Variants in EXTL3 observed in about 807,000 individuals in gnomAD.
EXTL3 encodes the protein exostosin-like 3.
In EXTL3, 27 loss-of-function variants were observed where a neutral mutation model predicts 69.3. The observed-to-expected ratio is 0.39, with a 90% confidence interval of 0.29 to 0.54. The LOEUF (loss-of-function observed/expected upper bound fraction) is 0.54. EXTL3 is among the 20% of genes least tolerant of loss of function. EXTL3 has a pLI of 0.69. For synonymous variants in EXTL3, 511 were observed against 499.4 expected, an observed-to-expected ratio of 1.02 and a Z score of -0.31; for missense variants, 1,003 against 1,231.8, an observed-to-expected ratio of 0.81 and a Z score of 2.78.
At position 28,656,268 on chromosome 8, in the gene EXTL3, G is replaced by T. The variant is rs991724691; in HGVS notation, c.-53+33458G>T. On this transcript the variant is annotated intron_variant, in intron 1 of 6. Coordinates refer to the EXTL3 transcript ENST00000523149. ...CGCTGCAGCCTCTGCCTCCTGGGAG[G>T]TTCAAGTGATTCTCCTGCCTCAGCC... 2.0e-5 allele frequency among the ~76,000 whole-genome samples: 3 copies of T among 151,994 alleles called. No individual in the cohort carries two copies. In the South Asian group the frequency reaches 6.2e-4, roughly 32 times the overall value.
chr8:28,744,431 GC>G (rs1367096311), intron 6 of EXTL3, among the ~76,000 whole-genome samples: 1 of 152,216 alleles, frequency 6.6e-6, no homozygotes, highest in African/African-American at 2.4e-5. Flanking sequence ...GCTGAGGCAG[GC>G]GGATCACTTG....
intron 1 of EXTL3, among the ~76,000 whole-genome samples, chr8:28,687,891 G>C (rs145501904): frequency 6.6e-6 from 1 of 152,274 alleles, no homozygotes; most frequent in East Asian, 1.9e-4. Flanking sequence ...GTGGGATAAC[G>C]AATTTAGGAA....
intron 1 of EXTL3, among the ~76,000 whole-genome samples, chr8:28,660,913 CT>C (rs35991958): frequency 0.66 from 64,190 of 97,316 alleles, 18,530 homozygotes; most frequent in Middle Eastern, 0.71. Flanking sequence ...TTGTTCGTTT[CT>C]TTTTTTTTTT....
upstream of EXTL3, among the ~76,000 whole-genome samples, chr8:28,621,280 G>GACTGGT (rs2130542261): frequency 6.6e-6 from 1 of 152,244 alleles, no homozygotes; most frequent in African/African-American, 2.4e-5. Flanking sequence ...AATCTAATAT[G>GACTGGT]ACTGGTGTTC....
intron 3 of EXTL3, 48 bp from the exon 4 acceptor site, chr8:28,731,175 T>A (rs1030385540): frequency 6.2e-7 from 1 of 1,613,698 alleles, no homozygotes; most frequent in Non-Finnish European, 8.5e-7. Context: ...TTGTTTGGCC[T>A]TTCATAACAC....
chr8:28,698,314 G>C (rs575790626), upstream of EXTL3: 219 of 152,332 alleles, frequency 1.4e-3, no homozygotes, highest in African/African-American at 4.8e-3. Flanking sequence ...GATGAGTTCA[G>C]TTTGGGATAT....
upstream of EXTL3, among the ~76,000 whole-genome samples, chr8:28,621,858 G>A (rs1806413042): frequency 6.6e-6 from 1 of 152,168 alleles, no homozygotes; most frequent in Non-Finnish European, 1.5e-5. Flanking sequence ...TCTTGTGTGT[G>A]TTTGTCACTT....
At chr8:28,645,756 T>C (rs1348508601) in intron 1 of EXTL3, among the ~76,000 whole-genome samples, 3 of 152,060 alleles carry the variant, frequency 2.0e-5, no homozygotes, top group Non-Finnish European at 4.4e-5. Flanking sequence ...CTCAAACTCC[T>C]GGGCTCAAGC....
chr8:28,633,271 G>A (rs1047523025), intron 1 of EXTL3, among the ~76,000 whole-genome samples: 4 of 152,116 alleles, frequency 2.6e-5, no homozygotes, highest in African/African-American at 9.7e-5. Context: ...CTGCGAGGTT[G>A]AGGCTGCAGT....
rs188511024 is a variant in EXTL3 at position 28,748,127 on chromosome 8, C to G, written c.2551-2530C>G. Among the ~76,000 whole-genome samples the G allele has an allele frequency of 3.5e-3, 534 of 152,246 alleles. 3 individuals are homozygous for G. The highest frequency in any genetic ancestry group is 0.012 in the African/African-American group (516 of 41,546). On this transcript the variant is annotated intron_variant, in intron 6 of 6. Transcript: ENST00000220562. ...GTGGCTCATGCCTGTAATCCCAACA[C>G]TTGGGGAGGCTGAGGCGGGCAGATC...
intron 1 of EXTL3, among the ~76,000 whole-genome samples, chr8:28,622,967 C>T (rs1401124999): frequency 6.6e-6 from 1 of 152,050 alleles, no homozygotes; most frequent in East Asian, 1.9e-4. Context: ...AACTCTTTGT[C>T]TGGCCCCGTC....
intron 1 of EXTL3, among the ~76,000 whole-genome samples, chr8:28,709,196 G>C (rs1228036046): frequency 1.3e-5 from 2 of 152,166 alleles, no homozygotes; most frequent in Non-Finnish European, 2.9e-5. Flanking sequence ...CTGTGCTTTG[G>C]TTTCCTCGTG....
At chr8:28,747,530 C>T (rs917174661) in intron 6 of EXTL3, among the ~76,000 whole-genome samples, 2 of 152,032 alleles carry the variant, frequency 1.3e-5, no homozygotes, top group Admixed American at 6.5e-5. Context: ...AAAAATTTCC[C>T]CTTAATTTAT....
intron 6 of EXTL3, among the ~76,000 whole-genome samples, chr8:28,743,617 TTG>T: frequency 6.6e-6 from 1 of 152,368 alleles, no homozygotes; most frequent in South Asian, 2.1e-4. Context: ...GCAAAAAGTA[TTG>T]TTTGTATTTG....
At chr8:28,608,291 C>T (rs144134053) in intron 2 of EXTL3, among the ~76,000 whole-genome samples, 3 of 152,114 alleles carry the variant, frequency 2.0e-5, no homozygotes, top group African/African-American at 7.2e-5. Context: ...GCTCCTGTGA[C>T]TCCTGCCTAG....
intron 1 of EXTL3, among the ~76,000 whole-genome samples, chr8:28,705,374 G>T (rs569792153): frequency 6.6e-6 from 1 of 152,098 alleles, no homozygotes; most frequent in Admixed American, 6.6e-5. Context: ...ATGGTAAAGC[G>T]TCTCAAGCTG....
rs1454765218 is a variant in EXTL3, at chr8:28,709,496, G to A, written c.-569-3961G>A. On this transcript the variant is annotated intron_variant, in intron 1 of 6. Coordinates refer to ENST00000220562, the MANE Select transcript of EXTL3 (RefSeq NM_001440.4). Reference sequence around the variant, plus strand: ...CAGTGACTCCCTTCTTCCCTGTCGCGCCTCCTGTCTCTCCTGTCTCTCCGG... The same window carrying A: ...CAGTGACTCCCTTCTTCCCTGTCGCACCTCCTGTCTCTCCTGTCTCTCCGG... Among the ~76,000 whole-genome samples, 6 of 151,798 alleles carry A rather than the reference G, an allele frequency of 4.0e-5. 1 individual carries two copies. The South Asian group carries it at 8.3e-4, about 21-fold the overall frequency.
In EXTL3 at chr8:28,629,493, A is replaced by C. The variant is rs10503831; in HGVS notation, c.-53+6683A>C. On this transcript the variant is annotated intron_variant, in intron 1 of 6. Transcript: ENST00000523149. Reference sequence around the variant, plus strand: ...TCTCCAATTTCTAGTTTTTCTATCTAGTAACAACCATCTGCCATCTTTATT... The same window carrying C: ...TCTCCAATTTCTAGTTTTTCTATCTCGTAACAACCATCTGCCATCTTTATT... Among the ~76,000 whole-genome samples, 263 of 152,152 alleles carry C rather than the reference A, an allele frequency of 1.7e-3. 4 individuals carry two copies. The highest frequency in any genetic ancestry group is 5.5e-3 in the African/African-American group (229 of 41,508).
chr8:28,670,400 A>T (rs1440250347), intron 1 of EXTL3, among the ~76,000 whole-genome samples: 1 of 152,110 alleles, frequency 6.6e-6, no homozygotes, highest in East Asian at 1.9e-4. Context: ...TTTAGTATAG[A>T]ATTGACTCAC....
Sources: gnomAD v4.1 joint callset for allele counts (sites outside exome capture counted in the v4.1 genomes callset) on GRCh38, gnomAD v4.1.1 for gene constraint, MANE v1.5 for transcripts, NCBI Gene and HGNC (gene_info 2026-07-23, HGNC 2026-07-21) for gene names.